The following TRDN variants were observed in gnomAD, a reference collection of about 807,000 sequenced individuals.
TRDN encodes triadin in skeletal muscle.
In TRDN, 161 loss-of-function variants were observed where a neutral mutation model predicts 149.7. The ratio of observed to expected loss-of-function variants is 1.08; its 90% confidence interval spans 0.95 to 1.23. TRDN has a LOEUF of 1.23. Ranked by LOEUF, TRDN falls within the 50% of genes most tolerant of loss-of-function variation. TRDN has a pLI of 0.00. For missense variants in TRDN, 896 were observed against 823.5 expected (o/e 1.09, Z -1.08); for synonymous variants, 294 against 250.5 (o/e 1.17, Z -1.64).
chr6:123,539,248 C>T (rs1780702845), intron 4 of TRDN, among the ~76,000 whole-genome samples: 1 of 152,124 alleles, frequency 6.6e-6, no homozygotes, highest in East Asian at 1.9e-4. Flanking sequence ...GCATAAGAGT[C>T]ATTAGGGATC....
intron 1 of TRDN, among the ~76,000 whole-genome samples, chr6:123,584,702 G>A (rs1429320632): frequency 6.6e-6 from 1 of 152,160 alleles, no homozygotes; most frequent in Non-Finnish European, 1.5e-5. Context: ...CCTAGTGGGT[G>A]TCAGGGTCAG....
chr6:123,529,303 A>T, intron 5 of TRDN: 1 of 1,548,834 alleles, frequency 6.5e-7, no homozygotes, highest in Non-Finnish European at 8.7e-7. Context: ...TCTGTGATCA[A>T]AGGAATTAAG....
rs185268405 is a variant in TRDN at position 123,255,908 on chromosome 6, T to C, written c.1871-6A>G. 6.2e-6 allele frequency: 8 copies of C among 1,286,188 alleles called. No individual in the cohort carries two copies. In the African/African-American group the frequency reaches 7.8e-5, roughly 13 times the overall value. The allele number at this position is 1,286,188 out of a possible 1,614,324, so 79.7% of individuals were successfully genotyped here. A position where few individuals can be genotyped will look rare whatever the true frequency, so the allele number is the denominator to read the frequency against. On this transcript the variant is annotated splice_polypyrimidine_tract_variant and splice_region_variant and intron_variant, in intron 35 of 40. Transcript: ENST00000334268. ...ATGCTTCATGTCTGCTTTTTCTGTA[T>C]AGAAGAAACAGTAACAGGGTAATTT...
intron 5 of TRDN, among the ~76,000 whole-genome samples, chr6:123,521,894 G>A (rs150094602): frequency 2.2e-3 from 334 of 152,202 alleles, no homozygotes; most frequent in African/African-American, 7.5e-3. Flanking sequence ...GTATAATTGT[G>A]TATTTACTTT....
chr6:123,464,506 A>T lies in TRDN; in HGVS notation c.931+400T>A, dbSNP rs566900724. 10 of 999,122 alleles carry T rather than the reference A, an allele frequency of 1.0e-5. No individual in the cohort carries two copies. In the African/African-American group the frequency reaches 1.6e-4, roughly 16 times the overall value. The allele number at this position is 999,122 out of a possible 1,614,324, so 61.9% of individuals were successfully genotyped here. A position where few individuals can be genotyped will look rare whatever the true frequency, so the allele number is the denominator to read the frequency against. On this transcript the variant is annotated intron_variant, in intron 10 of 40. Coordinates refer to ENST00000334268, the MANE Select transcript of TRDN (RefSeq NM_006073.4). ...AGAGTTAATTTAAATAACTTTCCAA[A>T]TTTACAAAGCTAGGAAAAGGTGGAG...
At chr6:123,395,048 T>G (rs993895902) in intron 12 of TRDN, among the ~76,000 whole-genome samples, 1 of 152,202 alleles carries the variant, frequency 6.6e-6, no homozygotes, top group Non-Finnish European at 1.5e-5. Context: ...AGCACCATTC[T>G]GCTCAGATGT....
At chr6:123,440,344 T>C (rs569683546) in intron 10 of TRDN, among the ~76,000 whole-genome samples, 1 of 152,186 alleles carries the variant, frequency 6.6e-6, no homozygotes, top group Non-Finnish European at 1.5e-5. Context: ...GTTTCAGAGA[T>C]AGAAATAAAC....
intron 13 of TRDN, among the ~76,000 whole-genome samples, chr6:123,390,919 G>A (rs189423018): frequency 6.6e-6 from 1 of 151,896 alleles, no homozygotes; most frequent in Non-Finnish European, 1.5e-5. Flanking sequence ...TTTGCTTCAG[G>A]AATCCAGAAG....
intron 1 of TRDN, among the ~76,000 whole-genome samples, chr6:123,610,135 A>G (rs1784727672): frequency 1.3e-5 from 2 of 152,176 alleles, no homozygotes; most frequent in Admixed American, 6.6e-5. Flanking sequence ...AATAGCTATT[A>G]AGAGTCTCCA....
chr6:123,451,225 C>A (rs1775748162), intron 10 of TRDN, among the ~76,000 whole-genome samples: 1 of 151,688 alleles, frequency 6.6e-6, no homozygotes, highest in African/African-American at 2.4e-5. Flanking sequence ...CCAAACCCAG[C>A]AGAAGAAAGA....
chr6:123,331,951 T>A, intron 22 of TRDN, 22 bp from the exon 23 acceptor site: 1 of 1,522,274 alleles, frequency 6.6e-7, no homozygotes. Flanking sequence ...CATCGGACAT[T>A]TATTTGAAGC....
chr6:123,568,349 T>C (rs2114527123), intron 2 of TRDN, among the ~76,000 whole-genome samples: 1 of 152,288 alleles, frequency 6.6e-6, no homozygotes, highest in South Asian at 2.1e-4. Flanking sequence ...TCTATCATTT[T>C]GGGGTCTGGA....
intron 2 of TRDN, among the ~76,000 whole-genome samples, chr6:123,552,820 A>C (rs73536793): frequency 0.015 from 2,326 of 152,200 alleles, 52 homozygotes; most frequent in African/African-American, 0.053. Context: ...GAGAAGATTA[A>C]CTTTTGCCAT....
intron 4 of TRDN, among the ~76,000 whole-genome samples, chr6:123,534,545 A>C (rs1780424926): frequency 6.6e-6 from 1 of 152,138 alleles, no homozygotes; most frequent in Non-Finnish European, 1.5e-5. Flanking sequence ...ACATGTTACT[A>C]ATTTAGACTT....
intron 26 of TRDN, among the ~76,000 whole-genome samples, chr6:123,277,104 A>C (rs1777393682): frequency 1.3e-5 from 2 of 152,198 alleles, no homozygotes; most frequent in Admixed American, 6.5e-5. Context: ...TACGTATCTC[A>C]TCATTTTATT....
At chr6:123,606,744 T>C (rs562015381) in intron 1 of TRDN, among the ~76,000 whole-genome samples, 115 of 152,334 alleles carry the variant, frequency 7.5e-4, no homozygotes, top group African/African-American at 2.6e-3. Context: ...ACTTTTATTA[T>C]GTAGCAATTT....
intron 1 of TRDN, among the ~76,000 whole-genome samples, chr6:123,589,623 G>A (rs899100229): frequency 6.6e-6 from 1 of 152,082 alleles, no homozygotes; most frequent in Non-Finnish European, 1.5e-5. Context: ...ATCATTTCCT[G>A]CTGCTTTACC....
intron 24 of TRDN, among the ~76,000 whole-genome samples, chr6:123,290,694 A>T (rs9398725): frequency 0.18 from 27,658 of 152,164 alleles, 3,158 homozygotes; most frequent in East Asian, 0.54. Flanking sequence ...TCTGCTGGGC[A>T]GTTCAGGATT....
intron 4 of TRDN, among the ~76,000 whole-genome samples, chr6:123,540,016 A>C (rs1780746177): frequency 1.3e-5 from 2 of 152,200 alleles, no homozygotes; most frequent in African/African-American, 2.4e-5. Flanking sequence ...AGAAACAAAA[A>C]TTAGATGATG....
Sources: gnomAD v4.1 joint callset for allele counts (sites outside exome capture counted in the v4.1 genomes callset) on GRCh38, gnomAD v4.1.1 for gene constraint, MANE v1.5 for transcripts, NCBI Gene and HGNC (gene_info 2026-07-23, HGNC 2026-07-21) for gene names.